Variants in WWC1 observed in about 807,000 individuals in gnomAD.
WWC1 encodes the protein protein KIBRA.
WWC1 carries 55 observed loss-of-function variants against 138.4 expected under a neutral mutation model. The observed-to-expected ratio is 0.40, with a 90% CI of 0.32 to 0.50. The LOEUF (loss-of-function observed/expected upper bound fraction) is 0.50, where lower values mean the gene tolerates loss of function less well. WWC1 is among the 20% of genes least tolerant of loss of function. The probability of loss-of-function intolerance (pLI) is 0.72; values close to 1 mark genes in which losing one functional copy is unlikely to be tolerated. For synonymous variants in WWC1, 524 were observed against 564.9 expected (o/e 0.93, Z 1.03); for missense variants, 1,226 against 1,420.4 (o/e 0.86, Z 2.20).
intron 1 of WWC1, among the ~76,000 whole-genome samples, chr5:168,338,519 C>T (rs1773705200): frequency 6.6e-6 from 1 of 151,186 alleles, no homozygotes; most frequent in South Asian, 2.1e-4. Flanking sequence ...TCAAGCGGTT[C>T]TCCTGCCTCA....
chr5:168,338,586 T>G (rs1468980331), intron 1 of WWC1, among the ~76,000 whole-genome samples: 1 of 151,806 alleles, frequency 6.6e-6, no homozygotes, highest in Non-Finnish European at 1.5e-5. Flanking sequence ...TAATTTTGTA[T>G]TTTTTAGTAG....
chr5:168,300,632 CT>C (rs1241601788), intron 1 of WWC1, among the ~76,000 whole-genome samples: 2 of 150,900 alleles, frequency 1.3e-5, no homozygotes, highest in Admixed American at 6.6e-5. Flanking sequence ...CCTTTGTTGG[CT>C]TTTTTTTTCT....
At chr5:168,342,376 C>T (rs2152779081) in intron 1 of WWC1, among the ~76,000 whole-genome samples, 2 of 152,270 alleles carry the variant, frequency 1.3e-5, no homozygotes, top group Admixed American at 1.3e-4. Flanking sequence ...AGGCACTTGG[C>T]TGGATCCAAG....
rs901363498 is a variant in WWC1, at chr5:168,469,097, T to C, written c.*80T>C. On this transcript the variant is annotated 3_prime_UTR_variant, in exon 23 of 23. Coordinates refer to ENST00000265293, the MANE Select transcript of WWC1 (RefSeq NM_015238.3). The stretch of plus-strand genomic sequence containing the variant: ...GGCTAAAGTTATTTATGTGGTGTTA[T>C]ATGAAGGTACTGAGTCACAAGTCCT... 2.1e-5 allele frequency: 33 copies of C among 1,566,750 alleles called. No individual in the cohort carries two copies. The African/African-American group carries it at 3.9e-4, about 19-fold the overall frequency.
chr5:168,445,086 T>A (rs1216171698), intron 17 of WWC1, among the ~76,000 whole-genome samples: 1 of 145,290 alleles, frequency 6.9e-6, no homozygotes, highest in Admixed American at 6.9e-5. Flanking sequence ...GAAGCCGAGG[T>A]GGGTGGATCA....
intron 3 of WWC1, among the ~76,000 whole-genome samples, chr5:168,392,919 C>T (rs1264653760): frequency 2.0e-5 from 3 of 151,730 alleles, no homozygotes; most frequent in South Asian, 2.1e-4. Context: ...AAGAAGAGAC[C>T]GTTAAGAGAA....
intron 1 of WWC1, among the ~76,000 whole-genome samples, chr5:168,318,378 G>A (rs1049094973): frequency 2.0e-5 from 3 of 152,034 alleles, no homozygotes; most frequent in East Asian, 3.8e-4. Context: ...CCGATGTACA[G>A]CTCTGTGGTG....
intron 15 of WWC1, among the ~76,000 whole-genome samples, chr5:168,440,823 C>T (rs1204304048): frequency 6.6e-6 from 1 of 152,060 alleles, no homozygotes; most frequent in African/African-American, 2.4e-5. Context: ...GGCCTGAAAG[C>T]AGGTTCTTAA....
At chr5:168,418,259 C>G (rs1268273371) in intron 9 of WWC1, among the ~76,000 whole-genome samples, 3 of 152,168 alleles carry the variant, frequency 2.0e-5, no homozygotes, top group Non-Finnish European at 2.9e-5. Flanking sequence ...CTCATCCTAC[C>G]CTCTGCCTCC....
At chr5:168,376,526 C>A (rs1777180350) in intron 2 of WWC1, among the ~76,000 whole-genome samples, 1 of 152,186 alleles carries the variant, frequency 6.6e-6, no homozygotes. Flanking sequence ...TATACCTAGA[C>A]AACCCTAAAG....
intron 3 of WWC1, among the ~76,000 whole-genome samples, chr5:168,392,124 T>G (rs1156287622): frequency 6.6e-6 from 1 of 152,050 alleles, no homozygotes; most frequent in African/African-American, 2.4e-5. Context: ...GGAAGTTTAT[T>G]TTTTGGAGAG....
At chr5:168,459,924 G>A (rs571100029) in intron 19 of WWC1, among the ~76,000 whole-genome samples, 4 of 152,108 alleles carry the variant, frequency 2.6e-5, no homozygotes, top group East Asian at 3.9e-4. Context: ...TCTCCCTTGC[G>A]CTCCTTAGGG....
At chr5:168,382,061 G>A (rs570228838) in intron 2 of WWC1, among the ~76,000 whole-genome samples, 8 of 152,192 alleles carry the variant, frequency 5.3e-5, no homozygotes, top group African/African-American at 1.9e-4. Flanking sequence ...AACCCTTACT[G>A]CAGCATTGAA....
At chr5:168,447,182 G>A (rs186294595) in intron 17 of WWC1, among the ~76,000 whole-genome samples, 11 of 152,314 alleles carry the variant, frequency 7.2e-5, no homozygotes, top group African/African-American at 2.6e-4. Context: ...GTAAAATTAT[G>A]CATGATAAGC....
At chr5:168,298,202 C>A (rs1200853148) in intron 1 of WWC1, among the ~76,000 whole-genome samples, 2 of 152,000 alleles carry the variant, frequency 1.3e-5, no homozygotes, top group African/African-American at 4.8e-5. Flanking sequence ...CCTCACCCAG[C>A]TAATTTTTGT....
chr5:168,373,544 C>T (rs997995876), intron 2 of WWC1, among the ~76,000 whole-genome samples: 14 of 151,896 alleles, frequency 9.2e-5, no homozygotes, highest in African/African-American at 3.4e-4. Flanking sequence ...TGCACTTGGA[C>T]CAGTTCTGTG....
intron 1 of WWC1, among the ~76,000 whole-genome samples, chr5:168,299,085 CA>C (rs933662268): frequency 3.3e-5 from 5 of 150,662 alleles, no homozygotes; most frequent in Admixed American, 2.6e-4. Flanking sequence ...AACGCCATCT[CA>C]AAAAAAAAGG....
In WWC1 at chr5:168,320,265, C is replaced by A. The variant is rs927737385; in HGVS notation, c.119+27994C>A. 2.6e-5 allele frequency among the ~76,000 whole-genome samples: 4 copies of A among 152,166 alleles called. No homozygotes were observed. In the South Asian group the frequency reaches 6.2e-4, roughly 24 times the overall value. ...GGCCAGGTTGGTTTCAAACTCCTGACCTCAGGTGATCTGCCTGGCTTGGCC... is the reference window on the plus strand; with the variant it reads ...GGCCAGGTTGGTTTCAAACTCCTGAACTCAGGTGATCTGCCTGGCTTGGCC... On this transcript the variant is annotated intron_variant, in intron 1 of 22. Transcript: ENST00000265293.
intron 1 of WWC1, among the ~76,000 whole-genome samples, chr5:168,315,982 TA>T (rs1372150811): frequency 6.6e-6 from 1 of 152,124 alleles, no homozygotes; most frequent in Non-Finnish European, 1.5e-5. Context: ...TTCTTCCTGC[TA>T]CAGAAAAACA....
Sources: gnomAD v4.1 joint callset for allele counts (sites outside exome capture counted in the v4.1 genomes callset) on GRCh38, gnomAD v4.1.1 for gene constraint, MANE v1.5 for transcripts, NCBI Gene and HGNC (gene_info 2026-07-23, HGNC 2026-07-21) for gene names.